Variants in TMEM217B observed in about 807,000 individuals in gnomAD.
TMEM217B encodes the protein putative transmembrane protein 217B.
At chr6:37,213,949 C>T in the TMEM217B span, among the ~76,000 whole-genome samples, 2 of 152,144 alleles carry the variant, frequency 1.3e-5, no homozygotes, top group African/African-American at 2.4e-5. Flanking sequence ...CTCAGGCTGA[C>T]GAATGTCCAA....
At chr6:37,238,326 AT>A in the TMEM217B span, among the ~76,000 whole-genome samples, 1 of 152,218 alleles carries the variant, frequency 6.6e-6, no homozygotes, top group Non-Finnish European at 1.5e-5. Flanking sequence ...TTTTTACTTT[AT>A]GCCAAGGAGT....
At chr6:37,222,444 G>C in the TMEM217B span, among the ~76,000 whole-genome samples, 1 of 152,226 alleles carries the variant, frequency 6.6e-6, no homozygotes, top group Non-Finnish European at 1.5e-5. Flanking sequence ...GGGGAAGGGG[G>C]CCTCCTGGGG....
At chr6:37,244,524 A>T in the TMEM217B span, among the ~76,000 whole-genome samples, 26 of 152,168 alleles carry the variant, frequency 1.7e-4, no homozygotes, top group Non-Finnish European at 2.9e-4. Flanking sequence ...CCTTGACCCC[A>T]TGTTTCTCTC....
At chr6:37,245,784 T>TTTTC in the TMEM217B span, among the ~76,000 whole-genome samples, 1 of 140,302 alleles carries the variant, frequency 7.1e-6, no homozygotes, top group East Asian at 2.1e-4. Context: ...TTTTCTTTTC[T>TTTTC]TTTCTTTCTT....
chr6:37,240,621 C>A, the TMEM217B span, among the ~76,000 whole-genome samples: 1 of 152,046 alleles, frequency 6.6e-6, no homozygotes, highest in African/African-American at 2.4e-5. Context: ...GGGGAGAGGA[C>A]AACATAAGGG....
chr6:37,216,720 C>G, the TMEM217B span, among the ~76,000 whole-genome samples: 3 of 152,124 alleles, frequency 2.0e-5, no homozygotes, highest in Non-Finnish European at 4.4e-5. Flanking sequence ...GAAACTTAAT[C>G]CCTAATGCAA....
chr6:37,241,558 C>T, the TMEM217B span, among the ~76,000 whole-genome samples: 1 of 152,144 alleles, frequency 6.6e-6, no homozygotes, highest in African/African-American at 2.4e-5. Flanking sequence ...CTTGGGCTGG[C>T]ATGAGGCAGC....
the TMEM217B span, chr6:37,212,926 A>G: frequency 6.5e-7 from 1 of 1,550,316 alleles, no homozygotes; most frequent in African/African-American, 1.4e-5. Flanking sequence ...GGTATTAAGG[A>G]CAGAGAAGAT....
chr6:37,229,808 A>G, the TMEM217B span, among the ~76,000 whole-genome samples: 1 of 152,162 alleles, frequency 6.6e-6, no homozygotes, highest in African/African-American at 2.4e-5. Context: ...AATTACCACA[A>G]ACTGAGTGGT....
chr6:37,227,420 T>A, the TMEM217B span, among the ~76,000 whole-genome samples: 1 of 152,208 alleles, frequency 6.6e-6, no homozygotes, highest in Non-Finnish European at 1.5e-5. Flanking sequence ...GTGTGTACTC[T>A]TGATTGCTCT....
At chr6:37,217,699 G>A in the TMEM217B span, 3 of 984,972 alleles carry the variant, frequency 3.0e-6, no homozygotes, top group Non-Finnish European at 3.6e-6. Context: ...AGACACAGTG[G>A]GGAAATCATA....
chr6:37,255,288 A>G, the TMEM217B span, among the ~76,000 whole-genome samples: 1 of 152,202 alleles, frequency 6.6e-6, no homozygotes, highest in Non-Finnish European at 1.5e-5. Context: ...GAGCCAAGTC[A>G]TGTAGGGTCT....
chr6:37,247,180 T>C, the TMEM217B span, among the ~76,000 whole-genome samples: 3 of 152,172 alleles, frequency 2.0e-5, no homozygotes, highest in African/African-American at 7.2e-5. Flanking sequence ...GCAGTATCTT[T>C]TGTCCCTGCA....
chr6:37,212,510 C>A, the TMEM217B span: 3 of 457,178 alleles, frequency 6.6e-6, no homozygotes, highest in Admixed American at 7.0e-5. Context: ...TTCCTGCCCA[C>A]AGTCTGGGAT....
chr6:37,249,720 C>A, the TMEM217B span, among the ~76,000 whole-genome samples: 1 of 152,190 alleles, frequency 6.6e-6, no homozygotes, highest in Non-Finnish European at 1.5e-5. Context: ...TGACTTTGAA[C>A]CACCTTTTCC....
chr6:37,219,959 A>G, the TMEM217B span, among the ~76,000 whole-genome samples: 3 of 152,200 alleles, frequency 2.0e-5, no homozygotes, highest in Non-Finnish European at 4.4e-5. Flanking sequence ...GATTACAGTG[A>G]AAGATGCATA....
the TMEM217B span, chr6:37,257,579 C>T: frequency 2.7e-6 from 1 of 371,076 alleles, no homozygotes; most frequent in Non-Finnish European, 5.0e-6. Flanking sequence ...TGCTTCTTCC[C>T]TCTCGCGGGT....
At chr6:37,216,459 G>A in the TMEM217B span, among the ~76,000 whole-genome samples, 1 of 152,196 alleles carries the variant, frequency 6.6e-6, no homozygotes. Flanking sequence ...GGTAGGCAGA[G>A]CAGTTGAGAG....
the TMEM217B span, among the ~76,000 whole-genome samples, chr6:37,213,873 C>T: frequency 0.041 from 6,184 of 152,288 alleles, 158 homozygotes; most frequent in Non-Finnish European, 0.062. Context: ...ACTACACTGG[C>T]GAGCTACCTC....
Sources: gnomAD v4.1 joint callset for allele counts (sites outside exome capture counted in the v4.1 genomes callset) on GRCh38, gnomAD v4.1.1 for gene constraint, MANE v1.5 for transcripts, NCBI Gene and HGNC (gene_info 2026-07-23, HGNC 2026-07-21) for gene names.